The following SDK2 variants were observed in gnomAD, a reference collection of about 807,000 sequenced individuals.
The protein encoded by SDK2 is protein sidekick-2.
SDK2 carries 105 observed loss-of-function variants against 253.9 expected under a neutral mutation model. That is an observed-to-expected ratio of 0.41 (90% CI 0.35 to 0.49). SDK2 has a LOEUF of 0.49. Among genes scored for constraint, SDK2 ranks in the 20% least tolerant of loss-of-function variants. SDK2 has a pLI of 0.06. For synonymous variants in SDK2, 1,249 were observed against 1,234.9 expected (o/e 1.01, Z -0.24); for missense variants, 2,608 against 3,003.0 (o/e 0.87, Z 3.07).
At chr17:73,477,646 G>T (rs1385528002) in intron 2 of SDK2, among the ~76,000 whole-genome samples, 1 of 152,180 alleles carries the variant, frequency 6.6e-6, no homozygotes, top group Non-Finnish European at 1.5e-5. Flanking sequence ...TCATTGGCGG[G>T]GAGGCTCAGA....
chr17:73,617,857 G>C (rs182622789), intron 1 of SDK2, among the ~76,000 whole-genome samples: 10 of 152,132 alleles, frequency 6.6e-5, no homozygotes, highest in Non-Finnish European at 1.0e-4. Context: ...TCCATCCCCC[G>C]GCCTCTGGGA....
At position 73,352,386 on chromosome 17, in the gene SDK2, G is replaced by A; in HGVS notation, c.5758+87C>T. On this transcript the variant is annotated intron_variant, in intron 41 of 44. Transcript: ENST00000392650. This position sits in a 1 kb window ranked among gnomAD's most constrained non-coding sequence, Gnocchi z 4.1. Reference sequence around the variant, plus strand: ...CCCGCCCCATGCTCCTGGTGCCCTGGTGCCTCTCCTCCTTCCGCCCTGCCC... The same window carrying A: ...CCCGCCCCATGCTCCTGGTGCCCTGATGCCTCTCCTCCTTCCGCCCTGCCC... 1 of 1,471,856 alleles carries A rather than the reference G, an allele frequency of 6.8e-7. No individual in the cohort carries two copies. The highest frequency in any genetic ancestry group is 9.1e-7 in the Non-Finnish European group (1 of 1,092,992). The allele number at this position is 1,471,856 out of a possible 1,614,324, so 91.2% of individuals were successfully genotyped here.
chr17:73,608,759 G>A (rs955857401), intron 1 of SDK2, among the ~76,000 whole-genome samples: 1 of 152,002 alleles, frequency 6.6e-6, no homozygotes, highest in Non-Finnish European at 1.5e-5. Context: ...TTCCCTTTTT[G>A]TATGGTACTC....
At position 73,371,083 on chromosome 17, in the gene SDK2, C is replaced by T. The variant is rs186878253; in HGVS notation, c.4981-2490G>A. Among the ~76,000 whole-genome samples, 9 of 152,148 alleles carry T rather than the reference C, an allele frequency of 5.9e-5. No homozygotes were observed. The South Asian group carries it at 6.2e-4, about 11-fold the overall frequency. On this transcript the variant is annotated intron_variant, in intron 36 of 44. Coordinates refer to ENST00000392650, the MANE Select transcript of SDK2 (RefSeq NM_001144952.2). Reference sequence around the variant, plus strand: ...CATCTCTAAAATAACATAAAAATAACGAAAAGCAGATTCTTCTCATATGGA... The same window carrying T: ...CATCTCTAAAATAACATAAAAATAATGAAAAGCAGATTCTTCTCATATGGA...
In SDK2 at chr17:73,406,246, C is replaced by CTTTTTT. The variant is rs56122304; in HGVS notation, c.2485-4111_2485-4106dup. ...ATGGCTAAGAAGGGCCTACTACACT[C>CTTTTTT]TTTTTTTTTTTTTTTGAGATGGAGT... is the stretch of plus-strand genomic sequence containing the variant. On this transcript the variant is annotated intron_variant, in intron 18 of 44. Transcript: ENST00000392650. 1.9e-3 allele frequency among the ~76,000 whole-genome samples: 263 copies of CTTTTTT among 139,830 alleles called. 1 individual carries two copies. Among genetic ancestry groups the CTTTTTT allele is most frequent in the Non-Finnish European group, 3.1e-3 (203 of 65,154 alleles). The allele number at this position is 139,830 out of a possible 152,430, so 91.7% of individuals were successfully genotyped here.
At chr17:73,428,583 C>T (rs750744036) in intron 12 of SDK2, among the ~76,000 whole-genome samples, 3 of 152,248 alleles carry the variant, frequency 2.0e-5, no homozygotes, top group Admixed American at 6.5e-5. Context: ...ACCGCAGTTA[C>T]GTTTGCACCC....
chr17:73,472,059 C>T, intron 3 of SDK2, 53 bp downstream of exon 3: 2 of 1,315,356 alleles, frequency 1.5e-6, no homozygotes, highest in Non-Finnish European at 2.1e-6. Flanking sequence ...CTGGTGGGTG[C>T]CACTCTGGCA....
chr17:73,366,683 A>T (rs1355407360), intron 37 of SDK2, among the ~76,000 whole-genome samples: 3 of 152,192 alleles, frequency 2.0e-5, no homozygotes, highest in African/African-American at 7.2e-5. Flanking sequence ...CTGGACAAGT[A>T]GTATAACTTC....
At position 73,465,814 on chromosome 17, in the gene SDK2, G is replaced by A. The variant is rs369327862; in HGVS notation, c.331+6298C>T. On this transcript the variant is annotated intron_variant, in intron 3 of 44. Transcript: ENST00000392650. This position sits in a 1 kb window ranked among gnomAD's most constrained non-coding sequence, Gnocchi z 4.2. Reference sequence around the variant, plus strand: ...GCCTGGCTCCATGATAGGAGAACTGGCTGCTTAGGGCCCCAGGACAAGCCC... The same window carrying A: ...GCCTGGCTCCATGATAGGAGAACTGACTGCTTAGGGCCCCAGGACAAGCCC... Among the ~76,000 whole-genome samples, 3 of 152,174 alleles carry A rather than the reference G, an allele frequency of 2.0e-5. No homozygotes were observed. The highest frequency in any genetic ancestry group is 4.4e-5 in the Non-Finnish European group (3 of 68,024).
chr17:73,561,742 T>G (rs1022778148), intron 1 of SDK2, among the ~76,000 whole-genome samples: 2 of 152,170 alleles, frequency 1.3e-5, no homozygotes, highest in Non-Finnish European at 2.9e-5. Flanking sequence ...TCTCAAGGAC[T>G]CTGTTCCAGG....
intron 22 of SDK2, 106 bp downstream of exon 22, chr17:73,399,062 G>C: frequency 8.9e-7 from 1 of 1,128,060 alleles, no homozygotes; most frequent in Non-Finnish European, 1.3e-6. Flanking sequence ...GCCATTGAGA[G>C]CTGCACATGA....
intron 18 of SDK2, among the ~76,000 whole-genome samples, chr17:73,408,952 G>A (rs2063103849): frequency 1.3e-5 from 2 of 152,128 alleles, no homozygotes; most frequent in African/African-American, 2.4e-5. Flanking sequence ...CAGTTACTGT[G>A]GTTTTATTTT....
At chr17:73,604,928 T>C (rs1164269896) in intron 1 of SDK2, among the ~76,000 whole-genome samples, 1 of 152,094 alleles carries the variant, frequency 6.6e-6, no homozygotes, top group South Asian at 2.1e-4. Context: ...GCACATTTAG[T>C]GGACCACTGC....
At chr17:73,441,579 A>T (rs2145633201) in intron 5 of SDK2, among the ~76,000 whole-genome samples, 1 of 152,322 alleles carries the variant, frequency 6.6e-6, no homozygotes, top group African/African-American at 2.4e-5. Flanking sequence ...ATGTGGCCAC[A>T]AGCCAAGGAA....
chr17:73,463,595 C>T (rs2145678181), intron 3 of SDK2, among the ~76,000 whole-genome samples: 1 of 152,262 alleles, frequency 6.6e-6, no homozygotes, highest in East Asian at 1.9e-4. Context: ...GCTTTCCTTT[C>T]ACGTTTCCTT....
chr17:73,564,490 T>C (rs1391117208), intron 1 of SDK2, among the ~76,000 whole-genome samples: 1 of 152,002 alleles, frequency 6.6e-6, no homozygotes, highest in Non-Finnish European at 1.5e-5. Flanking sequence ...CCCAGAGAGG[T>C]GCCTGGTGTC....
At chr17:73,584,637 G>A (rs2045580555) in intron 1 of SDK2, among the ~76,000 whole-genome samples, 1 of 152,232 alleles carries the variant, frequency 6.6e-6, no homozygotes. Context: ...GAGTCCAGGG[G>A]CTGAAATTGT....
chr17:73,587,284 T>C (rs1032511649), intron 1 of SDK2, among the ~76,000 whole-genome samples: 3 of 152,148 alleles, frequency 2.0e-5, no homozygotes, highest in African/African-American at 7.2e-5. Flanking sequence ...CCCAAGTACA[T>C]GTCCATAAGC....
intron 36 of SDK2, among the ~76,000 whole-genome samples, chr17:73,372,699 C>T (rs1298643229): frequency 6.6e-6 from 1 of 151,948 alleles, no homozygotes; most frequent in Non-Finnish European, 1.5e-5. Context: ...GGAGATCACA[C>T]CACTGCACTC....
Sources: gnomAD v4.1 joint callset for allele counts (sites outside exome capture counted in the v4.1 genomes callset) on GRCh38, gnomAD v4.1.1 for gene constraint, Gnocchi (gnomAD v3.1) non-coding constraint, MANE v1.5 for transcripts, NCBI Gene and HGNC (gene_info 2026-07-23, HGNC 2026-07-21) for gene names.